EFCAB3: variants seen among roughly 807,000 people sequenced by gnomAD.
EFCAB3 encodes the protein EF-hand calcium-binding domain-containing protein 3.
EFCAB3 carries 36 observed loss-of-function variants against 42.2 expected under a neutral mutation model. The observed-to-expected ratio is 0.85, with a 90% CI of 0.65 to 1.13. The LOEUF is 1.13. Ranked by LOEUF, EFCAB3 falls within the 50% of genes most tolerant of loss-of-function variation. The probability of loss-of-function intolerance (pLI) is 0.00; values close to 1 mark genes in which losing one functional copy is unlikely to be tolerated. For synonymous variants in EFCAB3, 170 were observed against 172.8 expected (o/e 0.98, Z 0.13); for missense variants, 418 against 505.1 (o/e 0.83, Z 1.65).
At chr17:62,391,251 A>C (rs948697906) in intron 3 of EFCAB3, among the ~76,000 whole-genome samples, 1 of 152,114 alleles carries the variant, frequency 6.6e-6, no homozygotes, top group Non-Finnish European at 1.5e-5. Context: ...CTGGAGGAGA[A>C]TCTGCTCCCA....
At chr17:62,412,833 A>G (rs942790427) in intron 8 of EFCAB3, among the ~76,000 whole-genome samples, 9 of 152,198 alleles carry the variant, frequency 5.9e-5, no homozygotes, top group Admixed American at 4.6e-4. Flanking sequence ...AAGAAAATAG[A>G]AAGTCCCAAA....
chr17:62,393,210 G>C (rs2070319375), intron 4 of EFCAB3, among the ~76,000 whole-genome samples: 1 of 152,172 alleles, frequency 6.6e-6, no homozygotes, highest in South Asian at 2.1e-4. Flanking sequence ...AGAGGAAATG[G>C]AATACAGCTT....
chr17:62,416,050 C>T lies in EFCAB3; in HGVS notation c.1038C>T (p.His346=). The part of the protein sequence containing the change: ...DTYNLGIALE[H]RKEMLNLWQK... ...ATAATTTAGGAATTGCCCTTGAACA[C>T]CGAAAAGAGATGCTAAACCTCTGGC... The change falls in exon 10 of 10, where the codon CAC becomes CAT. Residue 346 remains histidine (H), a synonymous_variant. Transcript: ENST00000305286. 1 of 1,613,902 alleles carries T rather than the reference C, an allele frequency of 6.2e-7. No individual in the cohort carries two copies. The highest frequency in any genetic ancestry group is 8.5e-7 in the Non-Finnish European group (1 of 1,179,856).
At chr17:62,402,034 T>G (rs2070407592) in intron 6 of EFCAB3, among the ~76,000 whole-genome samples, 1 of 152,212 alleles carries the variant, frequency 6.6e-6, no homozygotes, top group African/African-American at 2.4e-5. Flanking sequence ...CCTAGGTATT[T>G]TATTCTCTTT....
chr17:62,375,900 C>A (rs899924559), upstream of EFCAB3, among the ~76,000 whole-genome samples: 5 of 151,688 alleles, frequency 3.3e-5, no homozygotes, highest in Non-Finnish European at 7.4e-5. Context: ...TTTTCTTTTG[C>A]TCCAGCTTCC....
intron 2 of EFCAB3, among the ~76,000 whole-genome samples, chr17:62,384,551 G>A (rs1335413752): frequency 6.6e-6 from 1 of 152,160 alleles, no homozygotes; most frequent in East Asian, 1.9e-4. Flanking sequence ...GGAGGCAGAG[G>A]TTAGGGTGAG....
chr17:62,375,988 C>T (rs2070147218), upstream of EFCAB3, among the ~76,000 whole-genome samples: 1 of 152,148 alleles, frequency 6.6e-6, no homozygotes, highest in South Asian at 2.1e-4. Flanking sequence ...GGCTACCCAG[C>T]TCGCCCACAT....
chr17:62,406,784 C>A lies in EFCAB3; in HGVS notation c.682+111C>A, dbSNP rs1262501478. 3.5e-6 allele frequency: 4 copies of A among 1,142,988 alleles called. No individual in the cohort carries two copies. In the African/African-American group the frequency reaches 4.7e-5, roughly 14 times the overall value. The allele number at this position is 1,142,988 out of a possible 1,614,324, so 70.8% of individuals were successfully genotyped here. On this transcript the variant is annotated intron_variant, in intron 7 of 9. Coordinates refer to ENST00000305286, the MANE Select transcript of EFCAB3 (RefSeq NM_173503.4). ...CATAAGAACAGGACTGCAGCCTATT[C>A]TGAGTGACCACTCTCTGTCACATAG...
intron 8 of EFCAB3, among the ~76,000 whole-genome samples, chr17:62,409,216 C>T (rs1322522895): frequency 6.6e-6 from 1 of 152,010 alleles, no homozygotes; most frequent in Non-Finnish European, 1.5e-5. Context: ...GCCACCACAC[C>T]TGGCTAATTT....
At chr17:62,393,963 T>C (rs2070326982) in intron 5 of EFCAB3, among the ~76,000 whole-genome samples, 1 of 151,940 alleles carries the variant, frequency 6.6e-6, no homozygotes, top group African/African-American at 2.4e-5. Context: ...TTTGTCTTTT[T>C]TTTTTTTTTG....
chr17:62,387,169 A>G (rs1006419273), intron 2 of EFCAB3, among the ~76,000 whole-genome samples, 171 bp from the exon 3 acceptor site: 1 of 152,058 alleles, frequency 6.6e-6, no homozygotes, highest in East Asian at 1.9e-4. Flanking sequence ...ACATTTTCTC[A>G]CTGTTCATCC....
intron 9 of EFCAB3, among the ~76,000 whole-genome samples, chr17:62,414,750 G>GT (rs920998086): frequency 1.3e-5 from 2 of 152,110 alleles, no homozygotes; most frequent in African/African-American, 4.8e-5. Flanking sequence ...CTTAACTCGG[G>GT]TTTTTTCCTC....
Position 62,411,886 on chromosome 17 carries a change from A to T in EFCAB3, c.868-1846A>T, listed in dbSNP as rs2319022. Among the ~76,000 whole-genome samples the T allele has an allele frequency of 2.6e-3, 174 of 66,598 alleles. 2 individuals carry two copies. The highest frequency in any genetic ancestry group is 9.1e-3 in the African/African-American group (169 of 18,664). The allele number at this position is 66,598 out of a possible 152,430, so 43.7% of individuals were successfully genotyped here. A position where few individuals can be genotyped will look rare whatever the true frequency, so the allele number is the denominator to read the frequency against. On this transcript the variant is annotated intron_variant, in intron 8 of 9. Coordinates refer to ENST00000305286, the MANE Select transcript of EFCAB3 (RefSeq NM_173503.4). ...GAAGGAAGGAAGGAAGGAAGGAAGGAAGGAAGGAAGGAAGGAAGGGAGGGA... is the reference window on the plus strand; with the variant it reads ...GAAGGAAGGAAGGAAGGAAGGAAGGTAGGAAGGAAGGAAGGAAGGGAGGGA...
intron 2 of EFCAB3, among the ~76,000 whole-genome samples, chr17:62,383,550 TATG>T (rs1161520434): frequency 6.6e-6 from 1 of 152,196 alleles, no homozygotes; most frequent in Admixed American, 6.5e-5. Context: ...ATATTTATTA[TATG>T]ATAACTTTAG....
intron 8 of EFCAB3, among the ~76,000 whole-genome samples, chr17:62,409,688 A>G (rs2070478219): frequency 6.6e-6 from 1 of 151,090 alleles, no homozygotes; most frequent in Non-Finnish European, 1.5e-5. Context: ...CATCTATTAC[A>G]TATTTACTAG....
intron 6 of EFCAB3, chr17:62,398,172 G>C (rs1251689591): frequency 1.4e-5 from 3 of 212,766 alleles, no homozygotes; most frequent in African/African-American, 8.0e-5. Context: ...TGTAGTGACG[G>C]GCCAGGCGTG....
upstream of EFCAB3, among the ~76,000 whole-genome samples, chr17:62,376,419 G>A (rs987630454): frequency 3.3e-5 from 5 of 152,078 alleles, no homozygotes; most frequent in Admixed American, 1.3e-4. Context: ...AGCCGAGATC[G>A]CACCACTGCA....
intron 8 of EFCAB3, among the ~76,000 whole-genome samples, chr17:62,410,530 G>T (rs1433552652): frequency 6.6e-6 from 1 of 152,068 alleles, no homozygotes; most frequent in East Asian, 1.9e-4. Flanking sequence ...AAGGAAGGTG[G>T]ATTGCTTGAG....
At chr17:62,399,968 C>T (rs2070386722) in intron 6 of EFCAB3, among the ~76,000 whole-genome samples, 1 of 152,064 alleles carries the variant, frequency 6.6e-6, no homozygotes, top group Non-Finnish European at 1.5e-5. Flanking sequence ...GCTTGATATA[C>T]ACCAGGAGCT....
Sources: gnomAD v4.1 joint callset for allele counts (sites outside exome capture counted in the v4.1 genomes callset) on GRCh38, gnomAD v4.1.1 for gene constraint, MANE v1.5 for transcripts, NCBI Gene and HGNC (gene_info 2026-07-23, HGNC 2026-07-21) for gene names.